The following MSI2 variants were observed in gnomAD, a reference collection of about 807,000 sequenced individuals.
MSI2 encodes the protein musashi RNA binding protein 2, also known as RNA-binding protein Musashi homolog 2.
A neutral mutation model predicts 45.6 loss-of-function variants in MSI2; 17 were observed. The observed-to-expected ratio is 0.37, with a 90% CI of 0.26 to 0.56. MSI2 has a LOEUF of 0.56. Ranked by LOEUF, MSI2 falls within the 20% of genes least tolerant of loss-of-function variation. The pLI, the probability that MSI2 is intolerant of heterozygous loss-of-function variation, is 0.77. For missense variants in MSI2, 293 were observed against 444.2 expected (o/e 0.66, Z 3.06); for synonymous variants, 156 against 158.2 (o/e 0.99, Z 0.11).
the MSI2 span, among the ~76,000 whole-genome samples, chr17:57,695,814 C>T: frequency 1.3e-5 from 2 of 152,286 alleles, no homozygotes; most frequent in East Asian, 1.9e-4. Flanking sequence ...AAGATCAGGG[C>T]GCTGACTGTT....
intron 5 of MSI2, among the ~76,000 whole-genome samples, chr17:57,321,585 A>G (rs559527722): frequency 1.3e-5 from 2 of 152,286 alleles, no homozygotes; most frequent in Admixed American, 1.3e-4. Flanking sequence ...AGCTCCCTGC[A>G]GCCGATTTGT....
intron 8 of MSI2, among the ~76,000 whole-genome samples, chr17:57,604,769 G>A (rs574565911): frequency 3.5e-4 from 53 of 152,278 alleles, no homozygotes; most frequent in African/African-American, 1.2e-3. Context: ...TGTCCTCTTG[G>A]ACTCAGGGCT....
intron 5 of MSI2, among the ~76,000 whole-genome samples, chr17:57,363,430 T>A (rs1157514287): frequency 2.0e-5 from 3 of 152,190 alleles, no homozygotes; most frequent in Non-Finnish European, 4.4e-5. Flanking sequence ...ATGTTATGGA[T>A]ATTTTACCAC....
chr17:57,554,038 G>A (rs1015785731), intron 7 of MSI2, among the ~76,000 whole-genome samples: 46 of 152,116 alleles, frequency 3.0e-4, no homozygotes, highest in Admixed American at 3.0e-3. Flanking sequence ...AACTAGAGAG[G>A]TTTGCAAAGC....
At chr17:57,281,606 T>C (rs981798747) in intron 5 of MSI2, among the ~76,000 whole-genome samples, 1 of 152,202 alleles carries the variant, frequency 6.6e-6, no homozygotes, top group African/African-American at 2.4e-5. Context: ...GATCTTGCCT[T>C]CCAGAGAATG....
intron 6 of MSI2, among the ~76,000 whole-genome samples, chr17:57,414,482 T>A (rs1306396263): frequency 6.6e-6 from 1 of 151,986 alleles, no homozygotes; most frequent in African/African-American, 2.4e-5. Flanking sequence ...CTCTGCCTCC[T>A]GGGTTCAAGC....
intron 5 of MSI2, chr17:57,278,757 T>G (rs938428280): frequency 6.5e-6 from 1 of 153,222 alleles, no homozygotes; most frequent in Non-Finnish European, 1.5e-5. Context: ...ATATGTGCCA[T>G]GGTGGTTTGC....
At chr17:57,400,622 A>G (rs2083971845) in intron 5 of MSI2, among the ~76,000 whole-genome samples, 1 of 152,146 alleles carries the variant, frequency 6.6e-6, no homozygotes, top group Admixed American at 6.6e-5. Flanking sequence ...GGGGTTTCAG[A>G]AAAGGGTGGA....
At chr17:57,488,879 G>C (rs775138211) in intron 6 of MSI2, among the ~76,000 whole-genome samples, 1 of 152,042 alleles carries the variant, frequency 6.6e-6, no homozygotes, top group Non-Finnish European at 1.5e-5. Context: ...TAGAGCTGGC[G>C]GTGTGCAGAC....
chr17:57,354,831 T>C (rs1244797360), intron 5 of MSI2, among the ~76,000 whole-genome samples: 1 of 152,156 alleles, frequency 6.6e-6, no homozygotes, highest in Non-Finnish European at 1.5e-5. Flanking sequence ...TGCAGTATGA[T>C]TAACTGTTGG....
chr17:57,465,304 GA>G (rs534722729), intron 6 of MSI2, among the ~76,000 whole-genome samples: 6 of 149,620 alleles, frequency 4.0e-5, no homozygotes, highest in East Asian at 3.9e-4. Flanking sequence ...TCTACTTAAA[GA>G]AAAAAAAACA....
chr17:57,688,280 TACAGA>T (rs1372663870), downstream of MSI2, among the ~76,000 whole-genome samples: 19 of 152,042 alleles, frequency 1.2e-4, no homozygotes, highest in Non-Finnish European at 2.8e-4. Context: ...ATAAAATGAA[TACAGA>T]AAAATTGCTA....
At chr17:57,690,461 AT>A in the MSI2 span, among the ~76,000 whole-genome samples, 2 of 143,628 alleles carry the variant, frequency 1.4e-5, no homozygotes, top group African/African-American at 2.6e-5. Flanking sequence ...AAAAAAAAAA[AT>A]ACAAAAATTA....
chr17:57,570,381 A>G (rs1266506135), intron 7 of MSI2, among the ~76,000 whole-genome samples: 2 of 152,202 alleles, frequency 1.3e-5, no homozygotes, highest in Non-Finnish European at 2.9e-5. Flanking sequence ...AATTCTCCAC[A>G]CTTTCACCAG....
chr17:57,336,297 C>T (rs934012739), intron 5 of MSI2, among the ~76,000 whole-genome samples: 3 of 152,190 alleles, frequency 2.0e-5, no homozygotes, highest in African/African-American at 7.2e-5. Flanking sequence ...CAAATAAAAG[C>T]CTTTTCCTAT....
intron 5 of MSI2, among the ~76,000 whole-genome samples, chr17:57,382,611 A>G (rs1341769788): frequency 6.6e-6 from 1 of 152,174 alleles, no homozygotes. Flanking sequence ...GAAACTGATA[A>G]CAAAGGGCTA....
At chr17:57,344,487 A>G (rs535763574) in intron 5 of MSI2, among the ~76,000 whole-genome samples, 19 of 152,280 alleles carry the variant, frequency 1.2e-4, no homozygotes, top group Admixed American at 2.6e-4. Context: ...CCTGCTCCAG[A>G]CCTGGAGTTA....
chr17:57,335,341 A>G (rs2143755399), intron 5 of MSI2, among the ~76,000 whole-genome samples: 1 of 152,220 alleles, frequency 6.6e-6, no homozygotes, highest in Admixed American at 6.5e-5. Context: ...GCTGACCCCC[A>G]CCTGCCTTTA....
chr17:57,258,309 A>G lies in MSI2; in HGVS notation c.225A>G (p.Val75=), dbSNP rs774713369. Residue 75 remains valine, a synonymous_variant, in exon 4 of 14, where the codon GTA becomes GTG. Coordinates refer to ENST00000284073, the MANE Select transcript of MSI2 (RefSeq NM_138962.4). ...GFVTFADPAS[V]DKVLGQPHHE... ...TCACGTTCGCAGACCCAGCAAGTGT[A>G]GATAAAGTATTAGGTCAGCCCCACC... 6.2e-6 allele frequency: 10 copies of G among 1,614,172 alleles called. No homozygotes were observed. The highest frequency in any genetic ancestry group is 8.5e-6 in the Non-Finnish European group (10 of 1,180,028).
Sources: gnomAD v4.1 joint callset for allele counts (sites outside exome capture counted in the v4.1 genomes callset) on GRCh38, gnomAD v4.1.1 for gene constraint, MANE v1.5 for transcripts, NCBI Gene and HGNC (gene_info 2026-07-23, HGNC 2026-07-21) for gene names.